The following CLUAP1 variants were observed in gnomAD, a reference collection of about 807,000 sequenced individuals.
CLUAP1 encodes clusterin-associated protein 1.
A neutral mutation model predicts 55.0 loss-of-function variants in CLUAP1; 50 were observed. The observed-to-expected ratio is 0.91, with a 90% confidence interval of 0.72 to 1.15. CLUAP1 has a LOEUF of 1.15. Ranked by LOEUF, CLUAP1 falls within the 50% of genes most tolerant of loss-of-function variation. The probability of loss-of-function intolerance (pLI) is 0.00; values close to 1 mark genes in which losing one functional copy is unlikely to be tolerated. For synonymous variants in CLUAP1, 195 were observed against 175.4 expected (o/e 1.11, Z -0.88); for missense variants, 530 against 507.6 (o/e 1.04, Z -0.42).
rs1021281507 is a variant in CLUAP1, at chr16:3,536,610, C to T, written c.*339C>T. On this transcript the variant is annotated 3_prime_UTR_variant, in exon 12 of 12. Coordinates refer to ENST00000576634, the MANE Select transcript of CLUAP1 (RefSeq NM_015041.3). ...AGTCTTGGCTGCTTTTGTTACTATA[C>T]ATTTTCTCTGAGACTCCAGCAGAGT... The T allele has an allele frequency of 7.3e-5, 14 of 192,466 alleles. No homozygotes were observed. Among genetic ancestry groups the T allele is most frequent in the Middle Eastern group, 4.4e-3 (2 of 456 alleles). 11.9% of individuals were successfully genotyped at this position (192,466 alleles called of 1,614,324 possible).
Position 3,508,490 on chromosome 16 carries a change from T to C in CLUAP1, c.399+22T>C, listed in dbSNP as rs549707972. ...AAAGGTAAGGACAACAAAAGCCTTG[T>C]AGTGGGCGATGGAGCGTTGATTTCT... On this transcript the variant is annotated intron_variant, in intron 4 of 11. Transcript: ENST00000576634. 5 of 1,534,458 alleles carry C rather than the reference T, an allele frequency of 3.3e-6. No individual in the cohort carries two copies. The East Asian group carries it at 1.2e-4, about 38-fold the overall frequency.
Position 3,520,087 on chromosome 16 carries a change from A to G in CLUAP1, c.713+51A>G, listed in dbSNP as rs748063351. 6 of 1,532,722 alleles carry G rather than the reference A, an allele frequency of 3.9e-6. No individual in the cohort carries two copies. The African/African-American group carries it at 5.6e-5, about 14-fold the overall frequency. The allele number at this position is 1,532,722 out of a possible 1,614,324, so 94.9% of individuals were successfully genotyped here. ...GTAGAAAGATGTCCTGGAAAGTTCA[A>G]ACAAACTGGGCGTGGTGGCTCATGT... is the stretch of plus-strand genomic sequence containing the variant. On this transcript the variant is annotated intron_variant, in intron 7 of 11. Coordinates refer to ENST00000576634, the MANE Select transcript of CLUAP1 (RefSeq NM_015041.3).
At chr16:3,502,301 G>A (rs772142392) in intron 1 of CLUAP1, among the ~76,000 whole-genome samples, 14 of 151,974 alleles carry the variant, frequency 9.2e-5, no homozygotes, top group Non-Finnish European at 1.6e-4. Context: ...AAAATTAGCC[G>A]GGCATGGTGG....
At chr16:3,515,955 G>A (rs1422198432) in intron 6 of CLUAP1, among the ~76,000 whole-genome samples, 1 of 152,158 alleles carries the variant, frequency 6.6e-6, no homozygotes, top group African/African-American at 2.4e-5. Context: ...ACTGTAATAA[G>A]TAGAAGGATC....
chr16:3,507,691 T>A (rs1413464820), intron 3 of CLUAP1, among the ~76,000 whole-genome samples: 11 of 139,412 alleles, frequency 7.9e-5, no homozygotes, highest in African/African-American at 2.9e-4. Context: ...TGTGTGTGTG[T>A]GTGTGTGTGT....
rs751862238 is a variant in CLUAP1 at position 3,532,816 on chromosome 16, T to G, written c.1067T>G (p.Met356Arg). 4.3e-6 allele frequency: 7 copies of G among 1,614,056 alleles called. No homozygotes were observed. The Middle Eastern group carries it at 8.2e-4, about 189-fold the overall frequency. Residue 356 changes from methionine to arginine, a missense_variant, in exon 11 of 12, where the codon ATG becomes AGG. Coordinates refer to ENST00000576634, the MANE Select transcript of CLUAP1 (RefSeq NM_015041.3). ...CCTGGCAAACGCATTGTGGGCACGA[T>G]GCAAGGTGGAGACTCCGATGACAAT... ...GRPGKRIVGT[M>R]QGGDSDDNED... is the part of the protein sequence containing the mutation.
At position 3,536,316 on chromosome 16, in the gene CLUAP1, T is replaced by G. The variant is rs2038231525; in HGVS notation, c.*45T>G. On this transcript the variant is annotated 3_prime_UTR_variant, in exon 12 of 12. Coordinates refer to ENST00000576634, the MANE Select transcript of CLUAP1 (RefSeq NM_015041.3). The stretch of plus-strand genomic sequence containing the variant: ...TGGCAGATTAAAACCCTCAGACTTG[T>G]AGGTAAATGGGAACTTAGAAGGTTA... The G allele has an allele frequency of 6.3e-7, 1 of 1,594,128 alleles. No homozygotes were observed. The highest frequency in any genetic ancestry group is 8.6e-7 in the Non-Finnish European group (1 of 1,168,020).
At chr16:3,500,795 G>A, upstream of CLUAP1, 1 of 542,962 alleles carries the variant, frequency 1.8e-6, no homozygotes, top group Middle Eastern at 5.0e-4. Context: ...CGCAAAGCGT[G>A]TAAACAGACG....
Position 3,536,360 on chromosome 16 carries a change from T to A in CLUAP1, c.*89T>A. 1 of 1,424,142 alleles carries A rather than the reference T, an allele frequency of 7.0e-7. No individual in the cohort carries two copies. The highest frequency in any genetic ancestry group is 1.4e-5 in the African/African-American group (1 of 70,378). 88.2% of individuals were successfully genotyped at this position (1,424,142 alleles called of 1,614,324 possible). ...AAGGTTAGGAAGGTAACCCCTGTTTTGTTTACTAAGCTGGCTGGACTCATG... is the reference window on the plus strand; with the variant it reads ...AAGGTTAGGAAGGTAACCCCTGTTTAGTTTACTAAGCTGGCTGGACTCATG... On this transcript the variant is annotated 3_prime_UTR_variant, in exon 12 of 12. Transcript: ENST00000576634.
chr16:3,508,197 G>A, intron 3 of CLUAP1, 92 bp from the exon 4 acceptor site: 1 of 1,096,960 alleles, frequency 9.1e-7, no homozygotes, highest in South Asian at 1.5e-5. Context: ...CCAGTTGTCA[G>A]CAGAGGCATT....
At chr16:3,529,770 TTATTATA>T (rs1451404627) in intron 9 of CLUAP1, among the ~76,000 whole-genome samples, 1 of 53,522 alleles carries the variant, frequency 1.9e-5, no homozygotes, top group African/African-American at 8.7e-5. Flanking sequence ...ATATATTATA[TTATTATA>T]TATTATATAA....
chr16:3,502,752 C>T (rs1458973597), intron 1 of CLUAP1, among the ~76,000 whole-genome samples: 1 of 152,132 alleles, frequency 6.6e-6, no homozygotes, highest in Non-Finnish European at 1.5e-5. Context: ...GAGGCCAGCA[C>T]CCTGCCGGGG....
chr16:3,514,500 A>G (rs1158504333), intron 5 of CLUAP1, among the ~76,000 whole-genome samples: 1 of 152,186 alleles, frequency 6.6e-6, no homozygotes, highest in Non-Finnish European at 1.5e-5. Context: ...TGCACCGTGG[A>G]TGAAAGGAAG....
At chr16:3,498,126 G>A (rs963561035), upstream of CLUAP1, among the ~76,000 whole-genome samples, 5 of 152,044 alleles carry the variant, frequency 3.3e-5, no homozygotes, top group African/African-American at 1.2e-4. Context: ...TGTAAGTCCT[G>A]GTGTCCAGAA....
intron 5 of CLUAP1, among the ~76,000 whole-genome samples, chr16:3,514,898 A>G (rs908845110): frequency 1.3e-5 from 2 of 152,236 alleles, no homozygotes; most frequent in Non-Finnish European, 2.9e-5. Context: ...AGAAGTTTTC[A>G]GCACTGATAT....
chr16:3,533,238 A>G, intron 11 of CLUAP1: 2 of 1,082,930 alleles, frequency 1.8e-6, no homozygotes, highest in Admixed American at 4.1e-5. Flanking sequence ...CCTAGGAGTG[A>G]TGCTTCCTCT....
At chr16:3,519,864 T>C (rs758419412) in intron 6 of CLUAP1, 39 bp from the exon 7 acceptor site, 1 of 1,545,566 alleles carries the variant, frequency 6.5e-7, no homozygotes, top group Admixed American at 2.2e-5. Flanking sequence ...ATGGCTGTTT[T>C]TATTGCCACC....
In CLUAP1 at chr16:3,532,842, G is replaced by A. The variant is rs771846265; in HGVS notation, c.1092+1G>A. ...GCAAGGTGGAGACTCCGATGACAAT[G>A]TAAGTCCCCCGCTCCCCTCAGTGGT... On this transcript the variant is annotated splice_donor_variant, in intron 11 of 11. Coordinates refer to ENST00000576634, the MANE Select transcript of CLUAP1 (RefSeq NM_015041.3). LOFTEE classifies it high-confidence loss of function. The A allele has an allele frequency of 3.1e-6, 5 of 1,614,112 alleles. No homozygotes were observed. The South Asian group carries it at 5.5e-5, about 18-fold the overall frequency.
chr16:3,501,861 G>C (rs777514174), intron 1 of CLUAP1, among the ~76,000 whole-genome samples: 13 of 151,826 alleles, frequency 8.6e-5, no homozygotes, highest in African/African-American at 2.9e-4. Context: ...AACATTTTTT[G>C]AGTTTTAACG....
Sources: allele counts gnomAD v4.1 joint callset (sites outside exome capture counted in the v4.1 genomes callset), GRCh38; gene constraint gnomAD v4.1.1; transcripts MANE v1.5; gene names NCBI Gene and HGNC (gene_info 2026-07-23, HGNC 2026-07-21).